Variants in PSMC4 observed in about 807,000 individuals in gnomAD.
PSMC4 encodes the protein proteasome 26S subunit, ATPase 4, also known as 26S proteasome regulatory subunit 6B.
In PSMC4, 13 loss-of-function variants were observed where a neutral mutation model predicts 48.4. The ratio of observed to expected loss-of-function variants is 0.27; its 90% CI spans 0.18 to 0.43. The LOEUF is 0.43. Ranked by LOEUF, PSMC4 falls within the 20% of genes least tolerant of loss-of-function variation. The pLI, the probability that PSMC4 is intolerant of heterozygous loss-of-function variation, is 1.00. For missense variants in PSMC4, 262 were observed against 555.9 expected (o/e 0.47, Z 5.32); for synonymous variants, 202 against 212.3 (o/e 0.95, Z 0.42).
At chr19:39,977,278 T>C (rs912591875) in intron 6 of PSMC4, among the ~76,000 whole-genome samples, 1 of 152,194 alleles carries the variant, frequency 6.6e-6, no homozygotes, top group South Asian at 2.1e-4. Flanking sequence ...TACTATCTTA[T>C]GTAACCATAG....
chr19:39,979,025 T>C (rs1971248864), intron 6 of PSMC4, among the ~76,000 whole-genome samples: 1 of 152,156 alleles, frequency 6.6e-6, no homozygotes, highest in Non-Finnish European at 1.5e-5. Context: ...TTCAACCCCA[T>C]TGCCAATTGT....
At position 39,974,489 on chromosome 19, in the gene PSMC4, C is replaced by G; in HGVS notation, c.470-35C>G. ...GAGGGCCCCATGGGGACCTTGAGGA[C>G]CTGGCCAGGAGCCCCAGCTCTGCTC... On this transcript the variant is annotated intron_variant, in intron 4 of 10. Coordinates refer to ENST00000157812, the MANE Select transcript of PSMC4 (RefSeq NM_006503.4). The surrounding 1 kb of genome is among the most constrained non-coding windows in gnomAD (Gnocchi z 5.5). 6.2e-7 allele frequency: 1 copy of G among 1,613,192 alleles called. No homozygotes were observed. Among genetic ancestry groups the G allele is most frequent in the Non-Finnish European group, 8.5e-7 (1 of 1,179,356 alleles).
chr19:39,980,306 A>G lies in PSMC4; in HGVS notation c.939A>G (p.Arg313=). The change falls in exon 9 of 11, where the codon AGA becomes AGG. Residue 313 remains arginine, a synonymous_variant. Transcript: ENST00000157812. This position sits in a 1 kb window ranked among gnomAD's most constrained non-coding sequence, Gnocchi z 4.8. ...GTCAGGTAATCATGGCCACAAACAG[A>G]GCAGACACCCTGGATCCGGCCCTGC... ...VNVKVIMATN[R]ADTLDPALLR... 6.2e-7 allele frequency: 1 copy of G among 1,614,020 alleles called. No individual in the cohort carries two copies. Among genetic ancestry groups the G allele is most frequent in the Non-Finnish European group, 8.5e-7 (1 of 1,180,004 alleles).
At position 39,974,206 on chromosome 19, in the gene PSMC4, T is replaced by A. The variant is rs1971154832; in HGVS notation, c.323-88T>A. Reference sequence around the variant, plus strand: ...GACCCCTCAGGGTCTGAACCAGAGATGTTGGGGTGTGGAGATTAGGAGGGA... The same window carrying A: ...GACCCCTCAGGGTCTGAACCAGAGAAGTTGGGGTGTGGAGATTAGGAGGGA... On this transcript the variant is annotated intron_variant, in intron 3 of 10. Coordinates refer to ENST00000157812, the MANE Select transcript of PSMC4 (RefSeq NM_006503.4). This position sits in a 1 kb window ranked among gnomAD's most constrained non-coding sequence, Gnocchi z 5.5. 2.0e-6 allele frequency: 3 copies of A among 1,522,740 alleles called. No homozygotes were observed. The Admixed American group carries it at 5.3e-5, about 27-fold the overall frequency. The allele number at this position is 1,522,740 out of a possible 1,614,324, so 94.3% of individuals were successfully genotyped here.
In PSMC4 at chr19:39,981,348, C is replaced by T. The variant is rs760139843; in HGVS notation, c.*43C>T. ...CCACACCACTCAGGGGCTGGGGCTTCTCTCGCACCCCCAGCACCTCTGTCC... is the reference window on the plus strand; with the variant it reads ...CCACACCACTCAGGGGCTGGGGCTTTTCTCGCACCCCCAGCACCTCTGTCC... On this transcript the variant is annotated 3_prime_UTR_variant, in exon 11 of 11. Coordinates refer to ENST00000157812, the MANE Select transcript of PSMC4 (RefSeq NM_006503.4). 1 of 1,419,744 alleles carries T rather than the reference C, an allele frequency of 7.0e-7. No individual in the cohort carries two copies. The highest frequency in any genetic ancestry group is 1.0e-6 in the Non-Finnish European group (1 of 1,003,438). 87.9% of individuals were successfully genotyped at this position (1,419,744 alleles called of 1,614,324 possible). A position where few individuals can be genotyped will look rare whatever the true frequency, so the allele number is the denominator to read the frequency against.
intron 6 of PSMC4, among the ~76,000 whole-genome samples, chr19:39,978,487 C>T (rs1971240313): frequency 6.6e-6 from 1 of 152,102 alleles, no homozygotes; most frequent in South Asian, 2.1e-4. Flanking sequence ...GAGCCCCCAG[C>T]TGATGCAAGT....
At chr19:39,977,366 G>C (rs1405308985) in intron 6 of PSMC4, among the ~76,000 whole-genome samples, 3 of 152,096 alleles carry the variant, frequency 2.0e-5, no homozygotes, top group South Asian at 2.1e-4. Flanking sequence ...AAGTTTACCA[G>C]CTTTTCCCAC....
chr19:39,972,167 G>A lies in PSMC4; in HGVS notation c.58G>A (p.Val20Met), dbSNP rs746609399. The change falls in exon 2 of 11, where the codon GTG (valine) becomes ATG (methionine). Residue 20 changes from valine (V) to methionine (M), a missense_variant. By Grantham distance (21) the Val-to-Met change is conservative. Around this residue, in one of 4 missense-constraint regions of PSMC4, gnomAD observed 33 missense variants for 35.5 expected, o/e 0.93. Transcript: ENST00000157812. Reference protein sequence around the residue: ...KAQDEIPALSVSRPQTGLSFL... With the variant: ...KAQDEIPALSMSRPQTGLSFL... The stretch of plus-strand genomic sequence containing the variant: ...CTAGGATGAGATCCCAGCACTGTCC[G>A]TGTCCCGGCCCCAGACCGGCCTGTC... 29 of 1,613,934 alleles carry A rather than the reference G, an allele frequency of 1.8e-5. No homozygotes were observed. Among genetic ancestry groups the A allele is most frequent in the Non-Finnish European group, 2.1e-5 (25 of 1,179,992 alleles).
Position 39,980,806 on chromosome 19 carries a change from T to TGGCGCCCACGACCCAG in PSMC4, c.1143+92_1143+93insGCCCACGACCCAGGGC. On this transcript the variant is annotated intron_variant, in intron 10 of 10. Transcript: ENST00000157812. This position sits in a 1 kb window ranked among gnomAD's most constrained non-coding sequence, Gnocchi z 4.8. The stretch of plus-strand genomic sequence containing the variant: ...ACTCTGCTGCAGTCCTGTCCCCTCA[T>TGGCGCCCACGACCCAG]GGCTGCCCTGGGTCGTGGGCGCCAT... The TGGCGCCCACGACCCAG allele has an allele frequency of 7.5e-7, 1 of 1,334,646 alleles. No individual in the cohort carries two copies. Among genetic ancestry groups the TGGCGCCCACGACCCAG allele is most frequent in the African/African-American group, 1.4e-5 (1 of 69,182 alleles). The allele number at this position is 1,334,646 out of a possible 1,614,324, so 82.7% of individuals were successfully genotyped here.
rs182280947 is a variant in PSMC4, at chr19:39,978,661, G to A, written c.674-1156G>A. 3.9e-3 allele frequency among the ~76,000 whole-genome samples: 595 copies of A among 152,190 alleles called. 1 individual carries two copies. The highest frequency in any genetic ancestry group is 5.8e-3 in the Non-Finnish European group (397 of 68,018). Reference sequence around the variant, plus strand: ...CTCTGGTGGCTGGAAGGAGAGTCCTGGGGGTATGCTTCATACAACACAAAG... The same window carrying A: ...CTCTGGTGGCTGGAAGGAGAGTCCTAGGGGTATGCTTCATACAACACAAAG... On this transcript the variant is annotated intron_variant, in intron 6 of 10. Coordinates refer to ENST00000157812, the MANE Select transcript of PSMC4 (RefSeq NM_006503.4).
At chr19:39,976,501 T>A (rs1200975496) in intron 6 of PSMC4, among the ~76,000 whole-genome samples, 1 of 146,572 alleles carries the variant, frequency 6.8e-6, no homozygotes, top group African/African-American at 2.7e-5. Flanking sequence ...CGACACAGAT[T>A]CGTAAAGTTT....
chr19:39,977,435 T>C (rs553627373), intron 6 of PSMC4, among the ~76,000 whole-genome samples: 27 of 152,240 alleles, frequency 1.8e-4, no homozygotes, highest in African/African-American at 6.0e-4. Flanking sequence ...GGTTTGTCAC[T>C]GGCAGAGGGA....
rs376439151 is a variant in PSMC4 at position 39,974,640 on chromosome 19, C to T, written c.579+7C>T. On this transcript the variant is annotated splice_region_variant and intron_variant, in intron 5 of 10. Coordinates refer to ENST00000157812, the MANE Select transcript of PSMC4 (RefSeq NM_006503.4). The surrounding 1 kb of genome is among the most constrained non-coding windows in gnomAD (Gnocchi z 5.5). The stretch of plus-strand genomic sequence containing the variant: ...TTTCGAGCTCTACAAGCAGGTGAGG[C>T]GGTGCAGGTGGCAGGGAAGGGAGAG... 13 of 1,613,416 alleles carry T rather than the reference C, an allele frequency of 8.1e-6. No homozygotes were observed. Among genetic ancestry groups the T allele is most frequent in the African/African-American group, 4.0e-5 (3 of 74,910 alleles).
At chr19:39,971,308 G>C in intron 1 of PSMC4, 70 bp downstream of exon 1, 5 of 1,584,670 alleles carry the variant, frequency 3.2e-6, no homozygotes, top group Admixed American at 3.4e-5. Flanking sequence ...AGACCTGAGT[G>C]GGGGGAGGAA....
chr19:39,977,822 CAAAA>C (rs1228247125), intron 6 of PSMC4, among the ~76,000 whole-genome samples: 1 of 141,984 alleles, frequency 7.0e-6, no homozygotes, highest in Non-Finnish European at 1.5e-5. Flanking sequence ...ATTCTGTTTC[CAAAA>C]AAAAAAAGAG....
Position 39,974,204 on chromosome 19 carries a change from G to T in PSMC4, c.323-90G>T. On this transcript the variant is annotated intron_variant, in intron 3 of 10. Transcript: ENST00000157812. This position sits in a 1 kb window ranked among gnomAD's most constrained non-coding sequence, Gnocchi z 5.5. ...GGGACCCCTCAGGGTCTGAACCAGA[G>T]ATGTTGGGGTGTGGAGATTAGGAGG... The T allele has an allele frequency of 6.6e-7, 1 of 1,517,488 alleles. No homozygotes were observed. 94.0% of individuals were successfully genotyped at this position (1,517,488 alleles called of 1,614,324 possible). A position where few individuals can be genotyped will look rare whatever the true frequency, so the allele number is the denominator to read the frequency against.
intron 6 of PSMC4, among the ~76,000 whole-genome samples, chr19:39,978,267 G>A (rs1971236903): frequency 6.6e-6 from 1 of 152,142 alleles, no homozygotes; most frequent in African/African-American, 2.4e-5. Context: ...GGACAGGGAA[G>A]GTTGGGGTAG....
chr19:39,974,875 C>A lies in PSMC4; in HGVS notation c.673+47C>A, dbSNP rs752584354. On this transcript the variant is annotated intron_variant, in intron 6 of 10. Coordinates refer to ENST00000157812, the MANE Select transcript of PSMC4 (RefSeq NM_006503.4). The surrounding 1 kb of genome is among the most constrained non-coding windows in gnomAD (Gnocchi z 5.5). ...CCGAGCTCTCATCTTCTGGCCTCTT[C>A]GCCTTGCTCCCTGCTCGCTCACTGG... 12 of 1,538,678 alleles carry A rather than the reference C, an allele frequency of 7.8e-6. No homozygotes were observed. In the Admixed American group the frequency reaches 2.0e-4, roughly 26 times the overall value.
intron 6 of PSMC4, among the ~76,000 whole-genome samples, chr19:39,978,746 G>GT (rs1971243409): frequency 6.6e-6 from 1 of 152,146 alleles, no homozygotes; most frequent in African/African-American, 2.4e-5. Context: ...CAAGCATGGG[G>GT]TGGCTCATGT....
Sources: allele counts gnomAD v4.1 joint callset (sites outside exome capture counted in the v4.1 genomes callset), GRCh38; gene constraint gnomAD v4.1.1; regional missense constraint gnomAD v4.1.1; non-coding constraint Gnocchi (gnomAD v3.1); transcripts MANE v1.5; gene names NCBI Gene and HGNC (gene_info 2026-07-23, HGNC 2026-07-21).